The following RPS6KA2 variants were observed in gnomAD, a reference collection of about 807,000 sequenced individuals.
The protein encoded by RPS6KA2 is ribosomal protein S6 kinase A2, also known as ribosomal protein S6 kinase alpha-2.
In RPS6KA2, 42 loss-of-function variants were observed where a neutral mutation model predicts 91.8. The ratio of observed to expected loss-of-function variants is 0.46; its 90% CI spans 0.36 to 0.59. The LOEUF is 0.59. RPS6KA2 is among the 20% of genes least tolerant of loss of function. The probability of loss-of-function intolerance (pLI) is 0.00; values close to 1 mark genes in which losing one functional copy is unlikely to be tolerated. For synonymous variants in RPS6KA2, 414 were observed against 393.6 expected, an observed-to-expected ratio of 1.05 and a Z score of -0.61; for missense variants, 798 against 978.5, an observed-to-expected ratio of 0.82 and a Z score of 2.46.
intron 11 of RPS6KA2, among the ~76,000 whole-genome samples, chr6:166,467,895 A>G (rs918357160): frequency 5.9e-5 from 9 of 152,254 alleles, no homozygotes; most frequent in African/African-American, 1.9e-4. Context: ...CCCAGCAGAA[A>G]GGGCTGGATA....
intron 1 of RPS6KA2, among the ~76,000 whole-genome samples, chr6:166,567,008 C>T (rs1229861795): frequency 6.6e-6 from 1 of 152,154 alleles, no homozygotes; most frequent in Non-Finnish European, 1.5e-5. Flanking sequence ...GCTTCTTAGC[C>T]CAAAGAGTTG....
chr6:166,428,343 T>C (rs1278507656), intron 16 of RPS6KA2, among the ~76,000 whole-genome samples: 5 of 146,044 alleles, frequency 3.4e-5, no homozygotes, highest in Admixed American at 2.0e-4. Flanking sequence ...CCTAAAACCA[T>C]AAAAACCCTA....
At chr6:166,822,177 A>T (rs910980819) in intron 2 of RPS6KA2, among the ~76,000 whole-genome samples, 2 of 152,174 alleles carry the variant, frequency 1.3e-5, no homozygotes, top group East Asian at 3.9e-4. Context: ...CATGCTTGAC[A>T]TTGGTAAGGG....
intron 10 of RPS6KA2, among the ~76,000 whole-genome samples, chr6:166,475,009 T>G (rs563285464): frequency 1.3e-5 from 2 of 152,296 alleles, no homozygotes; most frequent in East Asian, 3.9e-4. Flanking sequence ...ACCTTTCTTT[T>G]ATTCTATTCT....
chr6:166,775,577 G>A lies in RPS6KA2; in HGVS notation c.123+82623C>T, dbSNP rs187462143. ...GCTGAATTTGGTTTCCATGACCCCC[G>A]ACTCTCCCTCCGCTGGTGCTCAGCT... On this transcript the variant is annotated intron_variant, in intron 2 of 21. Coordinates refer to the RPS6KA2 transcript ENST00000503859. 1.2e-3 allele frequency among the ~76,000 whole-genome samples: 187 copies of A among 152,300 alleles called. 1 individual carries two copies. Among genetic ancestry groups the A allele is most frequent in the Non-Finnish European group, 1.9e-4 (13 of 68,028 alleles).
At position 166,639,300 on chromosome 6, in the gene RPS6KA2, C is replaced by T. The variant is rs544998052; in HGVS notation, c.124-100516G>A. 8.5e-5 allele frequency among the ~76,000 whole-genome samples: 13 copies of T among 152,188 alleles called. No homozygotes were observed. Among genetic ancestry groups the T allele is most frequent in the African/African-American group, 2.4e-4 (10 of 41,444 alleles). On this transcript the variant is annotated intron_variant, in intron 2 of 21. Coordinates refer to the RPS6KA2 transcript ENST00000503859. This position sits in a 1 kb window ranked among gnomAD's most constrained non-coding sequence, Gnocchi z 4.2. The stretch of plus-strand genomic sequence containing the variant: ...CCTCCTGACACGTCCTTATTCCCTA[C>T]GTCTCTAGTTACTGAGATTTGTCAA...
At chr6:166,555,154 A>G (rs900583816) in intron 1 of RPS6KA2, among the ~76,000 whole-genome samples, 2 of 152,204 alleles carry the variant, frequency 1.3e-5, no homozygotes, top group South Asian at 2.1e-4. Flanking sequence ...GGACTCCTCC[A>G]AGTCACGGTT....
chr6:166,756,503 G>A (rs1024662629), intron 2 of RPS6KA2, among the ~76,000 whole-genome samples: 3 of 152,212 alleles, frequency 2.0e-5, no homozygotes, highest in Non-Finnish European at 4.4e-5. Flanking sequence ...CTAATCTGAT[G>A]CACTCTGATT....
intron 10 of RPS6KA2, among the ~76,000 whole-genome samples, chr6:166,479,434 G>A (rs943386867): frequency 4.6e-5 from 7 of 152,202 alleles, no homozygotes; most frequent in East Asian, 1.9e-4. Context: ...CCAGGGGGGC[G>A]GCCCCGGCCA....
intron 3 of RPS6KA2, among the ~76,000 whole-genome samples, chr6:166,526,345 T>TTTTG (rs1783032931): frequency 2.2e-5 from 2 of 89,028 alleles, no homozygotes; most frequent in Admixed American, 2.4e-4. Context: ...ATATGGCTTT[T>TTTTG]TTTTTTTTTT....
rs1781659158 is a variant in RPS6KA2 at position 166,493,002 on chromosome 6, G to A, written c.748-2261C>T. On this transcript the variant is annotated intron_variant, in intron 8 of 20. Transcript: ENST00000265678. The surrounding 1 kb of genome is among the most constrained non-coding windows in gnomAD (Gnocchi z 4.7). ...CCGCCTTGGCCTCCCACAATGCTTG[G>A]ATTATAGGCGTGAGCCACTGCGCCT... 6.6e-6 allele frequency among the ~76,000 whole-genome samples: 1 copy of A among 151,598 alleles called. No individual in the cohort carries two copies. Among genetic ancestry groups the A allele is most frequent in the African/African-American group, 2.4e-5 (1 of 41,192 alleles).
At chr6:166,725,194 A>T (rs891144068) in intron 2 of RPS6KA2, among the ~76,000 whole-genome samples, 3 of 151,738 alleles carry the variant, frequency 2.0e-5, no homozygotes, top group Admixed American at 6.6e-5. Context: ...AAAGTCTTTT[A>T]TTTTTTTTAA....
chr6:166,540,897 A>T (rs1056233930), intron 1 of RPS6KA2, among the ~76,000 whole-genome samples: 3 of 152,228 alleles, frequency 2.0e-5, no homozygotes, highest in Non-Finnish European at 2.9e-5. Context: ...AGTTCAAAAA[A>T]ATTCATCATG....
In RPS6KA2 at chr6:166,412,893, A is replaced by C; in HGVS notation, c.2077-6T>G. The C allele has an allele frequency of 6.5e-7, 1 of 1,550,288 alleles. No individual in the cohort carries two copies. The highest frequency in any genetic ancestry group is 8.7e-7 in the Non-Finnish European group (1 of 1,146,354). The stretch of plus-strand genomic sequence containing the variant: ...TAGGTGGCGGCCATCGCGCCCTGCA[A>C]AACAGAAGACAAGGGTGAGAGCCGC... On this transcript the variant is annotated splice_region_variant and splice_polypyrimidine_tract_variant and intron_variant, in intron 20 of 20. Transcript: ENST00000265678. This position sits in a 1 kb window ranked among gnomAD's most constrained non-coding sequence, Gnocchi z 4.3.
At chr6:166,661,154 G>A (rs1375245746) in intron 2 of RPS6KA2, among the ~76,000 whole-genome samples, 1 of 151,610 alleles carries the variant, frequency 6.6e-6, no homozygotes, top group Admixed American at 6.6e-5. Flanking sequence ...AGCCTGGAGT[G>A]CAGTGGTGCG....
intron 2 of RPS6KA2, among the ~76,000 whole-genome samples, chr6:166,855,511 G>T (rs922945900): frequency 3.7e-4 from 51 of 137,996 alleles, no homozygotes; most frequent in African/African-American, 1.2e-3. Context: ...GGAAGAAGAA[G>T]AAGAATAAGA....
rs1788309958 is a variant in RPS6KA2, at chr6:166,666,177, G to A, written c.124-127393C>T. 6.6e-6 allele frequency among the ~76,000 whole-genome samples: 1 copy of A among 152,206 alleles called. No homozygotes were observed. The highest frequency in any genetic ancestry group is 2.4e-5 in the African/African-American group (1 of 41,454). Reference sequence around the variant, plus strand: ...ATTGGAGACTCTTTCAGCAAGGCCTGCCTGGGTCACGGGGTCTGCCCCATC... The same window carrying A: ...ATTGGAGACTCTTTCAGCAAGGCCTACCTGGGTCACGGGGTCTGCCCCATC... On this transcript the variant is annotated intron_variant, in intron 2 of 21. Transcript: ENST00000503859. This position sits in a 1 kb window ranked among gnomAD's most constrained non-coding sequence, Gnocchi z 4.0.
At chr6:166,485,000 G>C (rs781088438) in intron 10 of RPS6KA2, among the ~76,000 whole-genome samples, 10 of 152,140 alleles carry the variant, frequency 6.6e-5, no homozygotes, top group Admixed American at 1.3e-4. Flanking sequence ...GCACCGTGCC[G>C]GGGGAAACCT....
In RPS6KA2 at chr6:166,548,018, C is replaced by T. The variant is rs374255939; in HGVS notation, c.100-9234G>A. 8.5e-5 allele frequency among the ~76,000 whole-genome samples: 13 copies of T among 152,312 alleles called. 1 individual carries two copies. The highest frequency in any genetic ancestry group is 1.0e-4 in the Non-Finnish European group (7 of 68,024). On this transcript the variant is annotated intron_variant, in intron 1 of 20. Coordinates refer to ENST00000265678, the MANE Select transcript of RPS6KA2 (RefSeq NM_021135.6). Reference sequence around the variant, plus strand: ...GTGAAGAAATAAGAAACAATTGAAACGTCCAGCAAGTGGGGAAGAATAAGG... The same window carrying T: ...GTGAAGAAATAAGAAACAATTGAAATGTCCAGCAAGTGGGGAAGAATAAGG...
Sources: gnomAD v4.1 joint callset for allele counts (sites outside exome capture counted in the v4.1 genomes callset) on GRCh38, gnomAD v4.1.1 for gene constraint, Gnocchi (gnomAD v3.1) non-coding constraint, MANE v1.5 for transcripts, NCBI Gene and HGNC (gene_info 2026-07-23, HGNC 2026-07-21) for gene names.